The following UBE2D1 variants were observed in gnomAD, a reference collection of about 807,000 sequenced individuals.
UBE2D1 encodes ubiquitin-conjugating enzyme E2 D1.
A neutral mutation model predicts 24.6 loss-of-function variants in UBE2D1; 9 were observed. The ratio of observed to expected loss-of-function variants is 0.37; its 90% CI spans 0.22 to 0.64. The LOEUF (loss-of-function observed/expected upper bound fraction) is 0.64, where lower values mean the gene tolerates loss of function less well. Ranked by LOEUF, UBE2D1 falls within the 30% of genes least tolerant of loss-of-function variation. The probability of loss-of-function intolerance (pLI) is 0.64; values close to 1 mark genes in which losing one functional copy is unlikely to be tolerated. For synonymous variants in UBE2D1, 57 were observed against 57.6 expected, an observed-to-expected ratio of 0.99 and a Z score of 0.04; for missense variants, 87 against 177.1, an observed-to-expected ratio of 0.49 and a Z score of 2.89.
chr10:58,338,204 T>G (rs1204358392), intron 1 of UBE2D1, among the ~76,000 whole-genome samples: 1 of 152,212 alleles, frequency 6.6e-6, no homozygotes, highest in East Asian at 1.9e-4. Context: ...TGATTTCACA[T>G]TTCTTCACTA....
chr10:58,343,389 A>AT (rs1839983279), intron 1 of UBE2D1, among the ~76,000 whole-genome samples: 1 of 147,822 alleles, frequency 6.8e-6, no homozygotes, highest in Non-Finnish European at 1.5e-5. Flanking sequence ...AATTTGTTTT[A>AT]GTGTGTGTGT....
intron 4 of UBE2D1, 91 bp from the exon 5 acceptor site, chr10:58,364,680 G>C: frequency 1.2e-6 from 1 of 826,664 alleles, no homozygotes; most frequent in Non-Finnish European, 1.9e-6. Flanking sequence ...GTAAAGTTGA[G>C]GATATTTTAC....
At chr10:58,346,096 T>C (rs112966934) in intron 1 of UBE2D1, among the ~76,000 whole-genome samples, 17,425 of 151,452 alleles carry the variant, frequency 0.12, 2,140 homozygotes, top group African/African-American at 0.31. Flanking sequence ...CTGCAACCTC[T>C]GCCTCCCAGG....
At chr10:58,365,518 A>G (rs562115261) in intron 5 of UBE2D1, among the ~76,000 whole-genome samples, 12 of 152,368 alleles carry the variant, frequency 7.9e-5, no homozygotes, top group Middle Eastern at 3.4e-3. Flanking sequence ...TAAACTTCGA[A>G]TAATCAGTAG....
At chr10:58,363,789 G>A in intron 4 of UBE2D1, 103 bp downstream of exon 4, 1 of 764,868 alleles carries the variant, frequency 1.3e-6, no homozygotes, top group East Asian at 2.9e-5. Flanking sequence ...GTCAAAGACT[G>A]TGGGGAGGTT....
rs924653018 is a variant in UBE2D1 at position 58,370,683 on chromosome 10, C to G, written c.*1918C>G. 1.3e-5 allele frequency: 2 copies of G among 149,076 alleles called. No homozygotes were observed. Among genetic ancestry groups the G allele is most frequent in the African/African-American group, 5.0e-5 (2 of 40,076 alleles). The allele number at this position is 149,076 out of a possible 1,614,324, so 9.2% of individuals were successfully genotyped here. On this transcript the variant is annotated 3_prime_UTR_variant, in exon 7 of 7. Transcript: ENST00000373910. ...TTAAACAAAAAAAAAAAACAACTTT[C>G]ATTTGTGTGGCATTTATTTTTGGAA...
At chr10:58,354,031 A>G (rs1034508587) in intron 1 of UBE2D1, among the ~76,000 whole-genome samples, 2 of 151,894 alleles carry the variant, frequency 1.3e-5, no homozygotes, top group African/African-American at 4.8e-5. Context: ...TTCCGGTAGA[A>G]GAGGAACAGA....
rs1839888601 is a variant in UBE2D1, at chr10:58,335,222, G to C, written c.21G>C (p.Gln7His). 1 of 1,545,184 alleles carries C rather than the reference G, an allele frequency of 6.5e-7. No homozygotes were observed. The highest frequency in any genetic ancestry group is 1.4e-5 in the African/African-American group (1 of 71,136). The change falls in exon 1 of 7, where the codon CAG becomes CAC. Residue 7 changes from glutamine (Q) to histidine (H), a missense_variant. By Grantham distance (24) the Gln-to-His change is conservative. Transcript: ENST00000373910. MALKRIQKELSDLQRDP... is the reference protein window; with the variant it reads MALKRIHKELSDLQRDP... ...GACCCATGGCGCTGAAGAGGATTCAGAAAGTGAGTGCCGGGGCCGGGCCTG... is the reference window on the plus strand; with the variant it reads ...GACCCATGGCGCTGAAGAGGATTCACAAAGTGAGTGCCGGGGCCGGGCCTG...
chr10:58,350,522 A>G (rs1840062688), intron 1 of UBE2D1, among the ~76,000 whole-genome samples: 1 of 152,152 alleles, frequency 6.6e-6, no homozygotes, highest in Non-Finnish European at 1.5e-5. Context: ...GATACATGTA[A>G]TATTGCAAAT....
intron 1 of UBE2D1, among the ~76,000 whole-genome samples, chr10:58,350,244 A>AGTTC (rs1375476664): frequency 1.3e-5 from 2 of 152,192 alleles, no homozygotes; most frequent in Non-Finnish European, 2.9e-5. Context: ...GGAGTTCCAG[A>AGTTC]GTTCCATTTG....
intron 3 of UBE2D1, among the ~76,000 whole-genome samples, chr10:58,362,909 TC>T (rs1790046085): frequency 1.3e-5 from 2 of 152,052 alleles, no homozygotes; most frequent in African/African-American, 4.8e-5. Context: ...GCTAGCATTT[TC>T]TTTTTTTAAA....
At chr10:58,340,829 C>T (rs369641603) in intron 1 of UBE2D1, among the ~76,000 whole-genome samples, 5 of 152,308 alleles carry the variant, frequency 3.3e-5, no homozygotes, top group African/African-American at 1.2e-4. Flanking sequence ...TTAACCACTT[C>T]AGTACATAGC....
At chr10:58,357,562 A>G (rs893958942) in intron 1 of UBE2D1, among the ~76,000 whole-genome samples, 7 of 152,096 alleles carry the variant, frequency 4.6e-5, no homozygotes, top group African/African-American at 1.7e-4. Flanking sequence ...ATTTTCCAAA[A>G]TATCTTCATT....
At chr10:58,364,059 T>G (rs1196633244) in intron 4 of UBE2D1, among the ~76,000 whole-genome samples, 1 of 151,882 alleles carries the variant, frequency 6.6e-6, no homozygotes, top group Non-Finnish European at 1.5e-5. Flanking sequence ...TCAATAAACA[T>G]TCACCGAGTA....
At chr10:58,348,449 A>G (rs1840038942) in intron 1 of UBE2D1, among the ~76,000 whole-genome samples, 1 of 152,182 alleles carries the variant, frequency 6.6e-6, no homozygotes, top group Non-Finnish European at 1.5e-5. Flanking sequence ...TTGTTTTAGG[A>G]ATTTTGAGGT....
At position 58,368,770 on chromosome 10, in the gene UBE2D1, CA is replaced by C; in HGVS notation, c.*10del. 1 of 1,577,126 alleles carries C rather than the reference CA, an allele frequency of 6.3e-7. No homozygotes were observed. On this transcript the variant is annotated 3_prime_UTR_variant, in exon 7 of 7. Coordinates refer to ENST00000373910, the MANE Select transcript of UBE2D1 (RefSeq NM_003338.5). ...ACTCAGAAATATGCAATGTAAAAAT[CA>C]AAAACATTTTCATATATACCAGAGT...
chr10:58,368,129 ATTGT>A lies in UBE2D1; in HGVS notation c.398+116_398+119del, dbSNP rs1305616532. On this transcript the variant is annotated intron_variant, in intron 6 of 6. Transcript: ENST00000373910. Reference sequence around the variant, plus strand: ...ATTTGATTATGGTTGTTATATGTATATTGTTTATCTTTTTCCAATGGAGTAAACC... The same window carrying A: ...ATTTGATTATGGTTGTTATATGTATATTATCTTTTTCCAATGGAGTAAACC... The A allele has an allele frequency of 2.3e-5, 17 of 728,324 alleles. No homozygotes were observed. In the South Asian group the frequency reaches 3.0e-4, roughly 13 times the overall value. The allele number at this position is 728,324 out of a possible 1,614,324, so 45.1% of individuals were successfully genotyped here.
chr10:58,361,137 A>G (rs1199479296), intron 1 of UBE2D1, among the ~76,000 whole-genome samples: 1 of 152,150 alleles, frequency 6.6e-6, no homozygotes, highest in East Asian at 1.9e-4. Context: ...AATCTTTTCA[A>G]GGTCTGAAGC....
At chr10:58,352,266 T>C (rs16912166) in intron 1 of UBE2D1, among the ~76,000 whole-genome samples, 7,090 of 152,120 alleles carry the variant, frequency 0.047, 380 homozygotes, top group East Asian at 0.31. Context: ...AGTGATGATA[T>C]GCTAAGTTAG....
Sources: allele counts gnomAD v4.1 joint callset (sites outside exome capture counted in the v4.1 genomes callset), GRCh38; gene constraint gnomAD v4.1.1; transcripts MANE v1.5; gene names NCBI Gene and HGNC (gene_info 2026-07-23, HGNC 2026-07-21).